Variants in AFF1 observed in about 807,000 individuals in gnomAD.
The protein encoded by AFF1 is ALF transcription elongation factor 1.
A neutral mutation model predicts 121.7 loss-of-function variants in AFF1; 48 were observed. The ratio of observed to expected loss-of-function variants is 0.39; its 90% CI spans 0.31 to 0.50. The LOEUF is 0.50. AFF1 is among the 20% of genes least tolerant of loss of function. The pLI, the probability that AFF1 is intolerant of heterozygous loss-of-function variation, is 0.76. For missense variants in AFF1, 1,523 were observed against 1,511.7 expected, an observed-to-expected ratio of 1.01 and a Z score of -0.12; for synonymous variants, 613 against 563.0, an observed-to-expected ratio of 1.09 and a Z score of -1.26.
At chr4:87,102,737 A>C (rs1000388907) in intron 8 of AFF1, among the ~76,000 whole-genome samples, 1 of 152,184 alleles carries the variant, frequency 6.6e-6, no homozygotes, top group Non-Finnish European at 1.5e-5. Flanking sequence ...GAGAAAGAAG[A>C]AGCATATCCA....
chr4:87,018,024 G>A (rs1282038908), intron 2 of AFF1, among the ~76,000 whole-genome samples: 1 of 151,974 alleles, frequency 6.6e-6, no homozygotes, highest in African/African-American at 2.4e-5. Flanking sequence ...TTTCAACTTG[G>A]AGAGCCTCAA....
chr4:87,037,770 T>C (rs1729715967), intron 2 of AFF1, among the ~76,000 whole-genome samples: 1 of 152,060 alleles, frequency 6.6e-6, no homozygotes, highest in African/African-American at 2.4e-5. Flanking sequence ...AAGTGTAGAG[T>C]CGTTCTCAAT....
intron 8 of AFF1, among the ~76,000 whole-genome samples, chr4:87,098,952 A>G (rs1725146595): frequency 6.6e-6 from 1 of 152,218 alleles, no homozygotes. Context: ...GCTTTTAAAT[A>G]TTTTGGTAAA....
intron 2 of AFF1, among the ~76,000 whole-genome samples, chr4:86,976,192 A>G (rs1286488500): frequency 1.3e-5 from 2 of 152,156 alleles, no homozygotes; most frequent in Non-Finnish European, 2.9e-5. Flanking sequence ...CTTTCCATGC[A>G]GAAGCACAGA....
At chr4:87,024,568 C>T (rs10003331) in intron 2 of AFF1, among the ~76,000 whole-genome samples, 9,884 of 151,708 alleles carry the variant, frequency 0.065, 606 homozygotes, top group African/African-American at 0.15. Context: ...GATGTGAAAT[C>T]CCTTTTACCC....
At chr4:87,046,310 G>A in intron 3 of AFF1, 24 bp downstream of exon 3, 2 of 1,603,832 alleles carry the variant, frequency 1.2e-6, no homozygotes, top group Non-Finnish European at 1.7e-6. Flanking sequence ...ACTAGACATT[G>A]AAGTCCTGAT....
intron 10 of AFF1, 98 bp from the exon 11 acceptor site, chr4:87,108,061 A>G: frequency 1.5e-6 from 2 of 1,376,964 alleles, no homozygotes; most frequent in Non-Finnish European, 2.0e-6. Flanking sequence ...TCTAATACCA[A>G]GGCCCGCCCT....
At chr4:87,011,390 G>C (rs940561810) in intron 2 of AFF1, among the ~76,000 whole-genome samples, 9 of 152,152 alleles carry the variant, frequency 5.9e-5, no homozygotes, top group African/African-American at 2.2e-4. Context: ...ATATGAAGCT[G>C]GTTTTTGGTG....
chr4:87,091,664 G>A, intron 6 of AFF1, 129 bp from the exon 7 acceptor site: 1 of 644,766 alleles, frequency 1.6e-6, no homozygotes, highest in East Asian at 3.0e-5. Flanking sequence ...TCTCTACACT[G>A]TTTCCATTTT....
At chr4:86,978,177 C>CTTTTTTTTTTTTTTTTTATTTTT (rs1723452902) in intron 2 of AFF1, among the ~76,000 whole-genome samples, 1 of 39,324 alleles carries the variant, frequency 2.5e-5, no homozygotes, top group African/African-American at 8.7e-5. Context: ...ATTACATTCA[C>CTTTTTTTTTTTTTTTTTATTTTT]TTTTTTTTTT....
intron 1 of AFF1, among the ~76,000 whole-genome samples, chr4:86,947,299 AAG>A (rs1720934639): frequency 6.6e-6 from 1 of 152,206 alleles, no homozygotes; most frequent in Non-Finnish European, 1.5e-5. Flanking sequence ...AGAGAGGAGA[AAG>A]AGTGGCAAAT....
chr4:87,091,631 T>C (rs1724321367), intron 6 of AFF1, among the ~76,000 whole-genome samples, 162 bp from the exon 7 acceptor site: 1 of 152,196 alleles, frequency 6.6e-6, no homozygotes, highest in Non-Finnish European at 1.5e-5. Context: ...AATTATAGAA[T>C]CTGTGATGGG....
At chr4:86,994,953 C>T (rs1454402678) in intron 2 of AFF1, among the ~76,000 whole-genome samples, 1 of 152,110 alleles carries the variant, frequency 6.6e-6, no homozygotes. Flanking sequence ...AAGAAACTGT[C>T]TCCAGGCCAG....
intron 1 of AFF1, among the ~76,000 whole-genome samples, chr4:86,943,818 C>T (rs1158914832): frequency 1.3e-5 from 2 of 151,878 alleles, no homozygotes; most frequent in African/African-American, 4.8e-5. Flanking sequence ...AAAAATTAGC[C>T]AGGCGTGGTG....
At chr4:86,938,478 AAAGT>A (rs1392859496) in intron 1 of AFF1, among the ~76,000 whole-genome samples, 5 of 151,636 alleles carry the variant, frequency 3.3e-5, no homozygotes, top group Non-Finnish European at 7.4e-5. Flanking sequence ...GAAAAGGAAA[AAAGT>A]AAGTGTATTT....
chr4:86,938,374 C>G (rs370774438), intron 1 of AFF1, among the ~76,000 whole-genome samples: 1 of 149,978 alleles, frequency 6.7e-6, no homozygotes, highest in East Asian at 2.0e-4. Flanking sequence ...CGCTTGAACC[C>G]AGGAGGCGGA....
At chr4:87,078,390 TG>T in intron 4 of AFF1, among the ~76,000 whole-genome samples, 1 of 152,318 alleles carries the variant, frequency 6.6e-6, no homozygotes, top group Admixed American at 6.5e-5. Flanking sequence ...CCATTGTTTA[TG>T]GGGTTGCCTC....
chr4:86,968,980 G>GA (rs955349205), intron 2 of AFF1, among the ~76,000 whole-genome samples: 35 of 152,008 alleles, frequency 2.3e-4, no homozygotes, highest in African/African-American at 8.2e-4. Context: ...GGATTGTGAA[G>GA]AAAAAAGGAG....
intron 2 of AFF1, among the ~76,000 whole-genome samples, chr4:86,984,895 C>G (rs1724083414): frequency 6.6e-6 from 1 of 151,764 alleles, no homozygotes; most frequent in Non-Finnish European, 1.5e-5. Flanking sequence ...GCATTCCAGC[C>G]TGGCAGCAGA....
Sources: allele counts gnomAD v4.1 joint callset (sites outside exome capture counted in the v4.1 genomes callset), GRCh38; gene constraint gnomAD v4.1.1; transcripts MANE v1.5; gene names NCBI Gene and HGNC (gene_info 2026-07-23, HGNC 2026-07-21).